The following MFAP3L variants were observed in gnomAD, a reference collection of about 807,000 sequenced individuals.
MFAP3L encodes the protein microfibrillar-associated protein 3-like.
In MFAP3L, 5 loss-of-function variants were observed where a neutral mutation model predicts 20.0. That is an observed-to-expected ratio of 0.25 (90% CI 0.13 to 0.53). The LOEUF (loss-of-function observed/expected upper bound fraction) is 0.53, where lower values mean the gene tolerates loss of function less well. Among genes scored for constraint, MFAP3L ranks in the 20% least tolerant of loss-of-function variants. MFAP3L has a pLI of 0.96. For synonymous variants in MFAP3L, 219 were observed against 213.0 expected, an observed-to-expected ratio of 1.03 and a Z score of -0.25; for missense variants, 409 against 527.5, an observed-to-expected ratio of 0.78 and a Z score of 2.20.
chr4:169,994,218 A>G, intron 2 of MFAP3L: 1 of 985,428 alleles, frequency 1.0e-6, no homozygotes, highest in Non-Finnish European at 1.2e-6. Context: ...TGGAAAATAT[A>G]GCAGAAAATA....
intron 1 of MFAP3L, among the ~76,000 whole-genome samples, chr4:170,014,312 T>A (rs985310174): frequency 2.0e-5 from 3 of 152,220 alleles, no homozygotes; most frequent in Non-Finnish European, 4.4e-5. Context: ...AGCTTTCAAT[T>A]GTTTTTATTT....
At chr4:170,003,765 C>G in intron 2 of MFAP3L, 1 of 985,376 alleles carries the variant, frequency 1.0e-6, no homozygotes, top group Non-Finnish European at 1.2e-6. Flanking sequence ...ATAGCTCAGC[C>G]CTGCAGAAAG....
Position 169,991,174 on chromosome 4 carries a change from C to T in MFAP3L, c.*204G>A, listed in dbSNP as rs1737633290. 1 of 599,062 alleles carries T rather than the reference C, an allele frequency of 1.7e-6. No individual in the cohort carries two copies. Among genetic ancestry groups the T allele is most frequent in the South Asian group, 2.2e-5 (1 of 46,192 alleles). 37.1% of individuals were successfully genotyped at this position (599,062 alleles called of 1,614,324 possible). ...CCTTCTGTCTGGTATCAATTCTGCA[C>T]CCTGATGTTTCTCGCACCCTTCTCT... is the stretch of plus-strand genomic sequence containing the variant. On this transcript the variant is annotated 3_prime_UTR_variant, in exon 3 of 3. Coordinates refer to ENST00000361618, the MANE Select transcript of MFAP3L (RefSeq NM_021647.8). The surrounding 1 kb of genome is among the most constrained non-coding windows in gnomAD (Gnocchi z 4.9).
At chr4:170,018,133 A>C (rs2111061717) in intron 1 of MFAP3L, among the ~76,000 whole-genome samples, 1 of 152,370 alleles carries the variant, frequency 6.6e-6, no homozygotes, top group Middle Eastern at 3.4e-3. Context: ...AATGCCACAG[A>C]AATTCAGAGG....
intron 2 of MFAP3L, among the ~76,000 whole-genome samples, chr4:169,995,526 C>T (rs377717148): frequency 6.6e-6 from 1 of 152,284 alleles, no homozygotes; most frequent in East Asian, 1.9e-4. Context: ...GGCTCATGCT[C>T]AAGAAGAATC....
At position 170,006,091 on chromosome 4, in the gene MFAP3L, A is replaced by G. The variant is rs1443100416; in HGVS notation, c.-133-81T>C. 2.7e-6 allele frequency: 3 copies of G among 1,115,784 alleles called. No homozygotes were observed. In the Admixed American group the frequency reaches 9.9e-5, roughly 37 times the overall value. 69.1% of individuals were successfully genotyped at this position (1,115,784 alleles called of 1,614,324 possible). The stretch of plus-strand genomic sequence containing the variant: ...AAACACTATAAACGGTTAGCAATGC[A>G]GCTAAAATACAAACATCAACATACT... On this transcript the variant is annotated intron_variant, in intron 1 of 2. Coordinates refer to ENST00000361618, the MANE Select transcript of MFAP3L (RefSeq NM_021647.8).
chr4:169,997,200 T>A (rs1738242301), intron 2 of MFAP3L, among the ~76,000 whole-genome samples: 1 of 152,168 alleles, frequency 6.6e-6, no homozygotes, highest in Non-Finnish European at 1.5e-5. Flanking sequence ...ACTCCGAAGA[T>A]CTAAACATAA....
At chr4:169,993,643 A>G (rs1226553105) in intron 2 of MFAP3L, 4 of 151,550 alleles carry the variant, frequency 2.6e-5, no homozygotes, top group African/African-American at 2.4e-5. Flanking sequence ...GGACGTGTCA[A>G]TGAGGTACCT....
At chr4:170,000,517 G>A (rs1415135402) in intron 2 of MFAP3L, among the ~76,000 whole-genome samples, 1 of 152,104 alleles carries the variant, frequency 6.6e-6, no homozygotes, top group Non-Finnish European at 1.5e-5. Flanking sequence ...CCTCTGCTAA[G>A]CATTTAAGAC....
At chr4:170,004,206 C>T (rs1738882447) in intron 2 of MFAP3L, among the ~76,000 whole-genome samples, 1 of 152,140 alleles carries the variant, frequency 6.6e-6, no homozygotes, top group Non-Finnish European at 1.5e-5. Flanking sequence ...ATCTGCCTGC[C>T]TTGGCCTCCC....
chr4:169,997,519 T>C (rs947193408), intron 2 of MFAP3L, among the ~76,000 whole-genome samples: 4 of 152,196 alleles, frequency 2.6e-5, no homozygotes, highest in African/African-American at 7.2e-5. Context: ...GAACAGATCA[T>C]TGGCAAAAAC....
In MFAP3L at chr4:169,991,328, A is replaced by G; in HGVS notation, c.*50T>C. The G allele has an allele frequency of 6.4e-7, 1 of 1,558,878 alleles. No individual in the cohort carries two copies. The highest frequency in any genetic ancestry group is 1.2e-5 in the South Asian group (1 of 82,842). Reference sequence around the variant, plus strand: ...CAAGTGCGTACTACATCTGTATTACAAGGAGCAGCCCCTGATTTTCTTGAT... The same window carrying G: ...CAAGTGCGTACTACATCTGTATTACGAGGAGCAGCCCCTGATTTTCTTGAT... On this transcript the variant is annotated 3_prime_UTR_variant, in exon 3 of 3. Transcript: ENST00000361618. The surrounding 1 kb of genome is among the most constrained non-coding windows in gnomAD (Gnocchi z 4.9).
intron 1 of MFAP3L, among the ~76,000 whole-genome samples, chr4:170,012,355 G>C (rs910691353): frequency 6.6e-6 from 1 of 152,218 alleles, no homozygotes; most frequent in African/African-American, 2.4e-5. Flanking sequence ...ACAGCTCTTA[G>C]GAAGCAAGTG....
At chr4:170,001,508 A>C (rs1738615140) in intron 2 of MFAP3L, among the ~76,000 whole-genome samples, 1 of 152,226 alleles carries the variant, frequency 6.6e-6, no homozygotes, top group Non-Finnish European at 1.5e-5. Flanking sequence ...CATGTTTACA[A>C]GGGCTGAAAC....
rs1301963353 is a variant in MFAP3L at position 169,991,283 on chromosome 4, C to T, written c.*95G>A. On this transcript the variant is annotated 3_prime_UTR_variant, in exon 3 of 3. Coordinates refer to ENST00000361618, the MANE Select transcript of MFAP3L (RefSeq NM_021647.8). The surrounding 1 kb of genome is among the most constrained non-coding windows in gnomAD (Gnocchi z 4.9). ...TCACTCCTACCTAAGGGATGAGAGT[C>T]TCCTGGTAAGGCTTAGCGGCAAGTG... 1 of 1,312,804 alleles carries T rather than the reference C, an allele frequency of 7.6e-7. No individual in the cohort carries two copies. Among genetic ancestry groups the T allele is most frequent in the East Asian group, 2.3e-5 (1 of 43,216 alleles). 81.3% of individuals were successfully genotyped at this position (1,312,804 alleles called of 1,614,324 possible).
rs1402803658 is a variant in MFAP3L at position 169,991,178 on chromosome 4, G to A, written c.*200C>T. ...CTGTCTGGTATCAATTCTGCACCCTGATGTTTCTCGCACCCTTCTCTACTG... is the reference window on the plus strand; with the variant it reads ...CTGTCTGGTATCAATTCTGCACCCTAATGTTTCTCGCACCCTTCTCTACTG... On this transcript the variant is annotated 3_prime_UTR_variant, in exon 3 of 3. Transcript: ENST00000361618. The surrounding 1 kb of genome is among the most constrained non-coding windows in gnomAD (Gnocchi z 4.9). 1.7e-6 allele frequency: 1 copy of A among 602,698 alleles called. No individual in the cohort carries two copies. The highest frequency in any genetic ancestry group is 1.9e-5 in the African/African-American group (1 of 53,898). 37.3% of individuals were successfully genotyped at this position (602,698 alleles called of 1,614,324 possible).
chr4:170,025,171 G>T (rs1740271994), intron 1 of MFAP3L, among the ~76,000 whole-genome samples: 1 of 152,180 alleles, frequency 6.6e-6, no homozygotes, highest in Non-Finnish European at 1.5e-5. Context: ...TAAGTAAAAT[G>T]TCAGAAGAAC....
chr4:170,011,264 T>C (rs1181763604), intron 1 of MFAP3L, among the ~76,000 whole-genome samples: 1 of 152,198 alleles, frequency 6.6e-6, no homozygotes, highest in African/African-American at 2.4e-5. Context: ...TATGGGAATC[T>C]AAAGTCAAGG....
At chr4:170,020,515 C>T (rs1264951152) in intron 1 of MFAP3L, among the ~76,000 whole-genome samples, 2 of 152,108 alleles carry the variant, frequency 1.3e-5, no homozygotes, top group Admixed American at 6.5e-5. Context: ...TCCATGTCTT[C>T]GTTGTGTCAA....
Sources: gnomAD v4.1 joint callset for allele counts (sites outside exome capture counted in the v4.1 genomes callset) on GRCh38, gnomAD v4.1.1 for gene constraint, Gnocchi (gnomAD v3.1) non-coding constraint, MANE v1.5 for transcripts, NCBI Gene and HGNC (gene_info 2026-07-23, HGNC 2026-07-21) for gene names.